PIN4: variants seen among roughly 807,000 people sequenced by gnomAD.
The protein encoded by PIN4 is peptidylprolyl cis/trans isomerase, NIMA-interacting 4.
Under a neutral mutation model 8.3 loss-of-function variants are expected in PIN4, and 3 were observed. That is an observed-to-expected ratio of 0.36 (90% confidence interval 0.16 to 0.93). The LOEUF is 0.93. Among genes scored for constraint, PIN4 ranks in the 40% least tolerant of loss-of-function variants. The pLI, the probability that PIN4 is intolerant of heterozygous loss-of-function variation, is 0.44. For missense variants in PIN4, 75 were observed against 100.6 expected (o/e 0.75, Z 1.09); for synonymous variants, 18 against 32.5 (o/e 0.55, Z 1.52).
chrX:72,231,277 T>C (rs1327958582), intron 3 of PIN4, among the ~76,000 whole-genome samples: 1 of 111,942 alleles, frequency 8.9e-6, no homozygotes, highest in African/African-American at 3.2e-5. Flanking sequence ...GCAACATGAA[T>C]GAACCTAAAA....
chrX:72,229,991 C>T (rs569910953), intron 3 of PIN4, among the ~76,000 whole-genome samples: 14 of 109,631 alleles, frequency 1.3e-4, no homozygotes, highest in African/African-American at 2.3e-4. Context: ...CTGGCTAACA[C>T]GGTGAAATCC....
intron 3 of PIN4, among the ~76,000 whole-genome samples, chrX:72,230,511 C>T (rs1022216213): frequency 2.7e-5 from 3 of 112,453 alleles, no homozygotes; most frequent in African/African-American, 9.7e-5. Flanking sequence ...GACCAAAAAT[C>T]GGCCAGAAGC....
intron 2 of PIN4, among the ~76,000 whole-genome samples, chrX:72,193,564 T>A (rs952668032): frequency 9.0e-6 from 1 of 110,966 alleles, no homozygotes; most frequent in African/African-American, 3.3e-5. Flanking sequence ...AAAAAAAAAT[T>A]TTAAATAGAA....
Position 72,197,757 on chromosome X carries a change from G to C in PIN4, c.*231G>C, listed in dbSNP as rs1373902318. ...TTCAGTCAGTCTTTCTCAAAGAGAA[G>C]TCAAGCAGACTCCCTTTAACCTGTA... On this transcript the variant is annotated 3_prime_UTR_variant, in exon 4 of 4. Coordinates refer to ENST00000373669, the MANE Select transcript of PIN4 (RefSeq NM_006223.4). 1 of 916,936 alleles carries C rather than the reference G, an allele frequency of 1.1e-6. No homozygotes were observed. Among genetic ancestry groups the C allele is most frequent in the African/African-American group, 2.0e-5 (1 of 49,734 alleles). 75.6% of individuals were successfully genotyped at this position (916,936 alleles called of 1,213,427 possible).
rs2043142791 is a variant in PIN4, at chrX:72,262,256, T to C, written c.313-451T>C. ...GAGCACGTGGTTGTGGTTCGATAAATGTTTGCTGAATGAACAAGAGATCAA... is the reference window on the plus strand; with the variant it reads ...GAGCACGTGGTTGTGGTTCGATAAACGTTTGCTGAATGAACAAGAGATCAA... On this transcript the variant is annotated intron_variant, in intron 3 of 3. Transcript: ENST00000423432. Among the ~76,000 whole-genome samples, 2 of 112,381 alleles carry C rather than the reference T, an allele frequency of 1.8e-5. 1 individual carries two copies. The highest frequency in any genetic ancestry group is 6.5e-5 in the African/African-American group (2 of 30,951).
chrX:72,197,524 TA>T lies in PIN4; in HGVS notation c.*2del. On this transcript the variant is annotated frameshift_variant and stop_lost, in exon 4 of 4. Coordinates refer to ENST00000373669, the MANE Select transcript of PIN4 (RefSeq NM_006223.4). LOFTEE classifies it high-confidence loss of function. Reference protein sequence around the residue: ...YHIIMVEGRK* With the variant: ...YHIIMVEGRKX ...TATTATTATGGTCGAAGGAAGAAAA[TA>T]AAATCATATGAAAGACTGAATAAGT... 1 of 1,191,943 alleles carries T rather than the reference TA, an allele frequency of 8.4e-7. No homozygotes were observed. Among genetic ancestry groups the T allele is most frequent in the Non-Finnish European group, 1.1e-6 (1 of 878,320 alleles).
chrX:72,245,568 G>A (rs994041045), intron 3 of PIN4, among the ~76,000 whole-genome samples: 1 of 111,542 alleles, frequency 9.0e-6, no homozygotes, highest in African/African-American at 3.3e-5. Context: ...GGGGGTAGGG[G>A]ATAGAAGATT....
intron 2 of PIN4, among the ~76,000 whole-genome samples, chrX:72,192,025 C>T (rs1222427361): frequency 9.0e-6 from 1 of 110,836 alleles, no homozygotes; most frequent in Non-Finnish European, 1.9e-5. Context: ...GATCTTGGCT[C>T]ACTGCAACCT....
At chrX:72,195,957 A>T (rs2042762945) in intron 2 of PIN4, among the ~76,000 whole-genome samples, 1 of 109,106 alleles carries the variant, frequency 9.2e-6, no homozygotes, top group African/African-American at 3.4e-5. Flanking sequence ...CATCTCTACT[A>T]AAAATACAAA....
At chrX:72,257,883 C>T (rs1359573407) in intron 3 of PIN4, among the ~76,000 whole-genome samples, 1 of 111,883 alleles carries the variant, frequency 8.9e-6, no homozygotes, top group Non-Finnish European at 1.9e-5. Context: ...CCACGGCTGG[C>T]ACAGACTAGG....
intron 3 of PIN4, among the ~76,000 whole-genome samples, chrX:72,254,388 C>A (rs1602462031): frequency 8.9e-6 from 1 of 111,863 alleles, no homozygotes; most frequent in Admixed American, 9.5e-5. Flanking sequence ...CCACTCTAAT[C>A]CTATTTATAT....
intron 3 of PIN4, among the ~76,000 whole-genome samples, chrX:72,239,964 C>T (rs1346430334): frequency 9.4e-6 from 1 of 106,277 alleles, no homozygotes; most frequent in Non-Finnish European, 1.9e-5. Flanking sequence ...TATTTATTTT[C>T]TTAAAAAGAG....
At chrX:72,259,723 CCTTT>C (rs1254865167) in intron 3 of PIN4, among the ~76,000 whole-genome samples, 8 of 98,217 alleles carry the variant, frequency 8.1e-5, no homozygotes, top group Non-Finnish European at 1.4e-4. Flanking sequence ...GAGGCCATAT[CCTTT>C]TTTTTTTTTT....
intron 3 of PIN4, chrX:72,208,413 A>G: frequency 2.5e-6 from 3 of 1,211,813 alleles, no homozygotes; most frequent in South Asian, 3.5e-5. Context: ...CAGCCAATAT[A>G]CCACCTTTTC....
At chrX:72,188,426 C>T (rs757068610) in intron 2 of PIN4, among the ~76,000 whole-genome samples, 22 of 110,942 alleles carry the variant, frequency 2.0e-4, no homozygotes, top group African/African-American at 7.2e-4. Flanking sequence ...GGCACGATCT[C>T]GGCTCACTGC....
intron 3 of PIN4, among the ~76,000 whole-genome samples, chrX:72,233,170 A>C (rs900658532): frequency 9.0e-6 from 1 of 111,724 alleles, no homozygotes; most frequent in African/African-American, 3.3e-5. Context: ...ATACTTCCTG[A>C]TATGACACAA....
chrX:72,201,311 G>A (rs2042789142), downstream of PIN4, among the ~76,000 whole-genome samples: 1 of 112,569 alleles, frequency 8.9e-6, no homozygotes, highest in Non-Finnish European at 1.9e-5. Context: ...ATTGTGGCTG[G>A]GCACAGTGGC....
intron 3 of PIN4, among the ~76,000 whole-genome samples, chrX:72,253,626 A>AAAAAAG (rs1385292420): frequency 1.8e-5 from 2 of 109,179 alleles, no homozygotes; most frequent in Non-Finnish European, 3.8e-5. Flanking sequence ...CTCCATCTCA[A>AAAAAAG]AAAAAGAAAA....
At chrX:72,261,637 G>A (rs1463532099) in intron 3 of PIN4, among the ~76,000 whole-genome samples, 1 of 112,339 alleles carries the variant, frequency 8.9e-6, no homozygotes, top group African/African-American at 3.2e-5. Context: ...TCAACTTGGT[G>A]CCCTGCACCT....
Sources: gnomAD v4.1 joint callset for allele counts (sites outside exome capture counted in the v4.1 genomes callset) on GRCh38, gnomAD v4.1.1 for gene constraint, MANE v1.5 for transcripts, NCBI Gene and HGNC (gene_info 2026-07-23, HGNC 2026-07-21) for gene names.